Variants in ARPC1A observed in about 807,000 individuals in gnomAD.
The protein encoded by ARPC1A is actin related protein 2/3 complex subunit 1A, also known as actin-related protein 2/3 complex subunit 1A.
In ARPC1A, 8 loss-of-function variants were observed where a neutral mutation model predicts 46.9. That is an observed-to-expected ratio of 0.17 (90% confidence interval 0.10 to 0.31). The LOEUF is 0.31. Among genes scored for constraint, ARPC1A ranks in the 10% least tolerant of loss-of-function variants. ARPC1A has a pLI of 1.00. For synonymous variants in ARPC1A, 152 were observed against 169.0 expected (o/e 0.90, Z 0.78); for missense variants, 286 against 483.6 (o/e 0.59, Z 3.83).
In ARPC1A at chr7:99,363,568, A is replaced by G. The variant is rs767917071; in HGVS notation, c.1009A>G (p.Lys337Glu). Reference sequence around the variant, plus strand: ...TCAAGTCTCTATTTATGAGGTGGACAAGCAAGATTGTCGCAAATTTTGCAC... The same window carrying G: ...TCAAGTCTCTATTTATGAGGTGGACGAGCAAGATTGTCGCAAATTTTGCAC... ...ITQVSIYEVD[K>E]QDCRKFCTTG... Residue 337 changes from lysine (K) to glutamate (E), a missense_variant, in exon 9 of 10, where the codon AAG becomes GAG. This residue lies in a region of ARPC1A where 182 missense variants were observed against 276.7 expected (regional missense o/e 0.66). Transcript: ENST00000262942. The G allele has an allele frequency of 1.9e-6, 3 of 1,613,410 alleles. No individual in the cohort carries two copies. The highest frequency in any genetic ancestry group is 1.7e-6 in the Non-Finnish European group (2 of 1,179,850).
intron 8 of ARPC1A, among the ~76,000 whole-genome samples, chr7:99,361,360 T>C (rs1046927516): frequency 6.6e-6 from 1 of 151,380 alleles, no homozygotes; most frequent in Admixed American, 6.6e-5. Context: ...TTAAGTTAGC[T>C]GGCTGTGTTG....
Position 99,348,954 on chromosome 7 carries a change from A to G in ARPC1A, c.495A>G (p.Lys165=). ...TGGCAGCAGGATCATGTGACTTCAA[A>G]TGCAGGTGGGAACCAGTGAGAACTG... ...VLLAAGSCDF[K]CRVFSAYIKE... is the part of the protein sequence containing the mutation. Residue 165 remains lysine, a synonymous_variant, in exon 5 of 10, where the codon AAA becomes AAG. Transcript: ENST00000262942. 6.2e-7 allele frequency: 1 copy of G among 1,613,306 alleles called. No individual in the cohort carries two copies. The highest frequency in any genetic ancestry group is 8.5e-7 in the Non-Finnish European group (1 of 1,179,306).
At chr7:99,341,206 G>A (rs1269536596) in intron 3 of ARPC1A, among the ~76,000 whole-genome samples, 1 of 152,116 alleles carries the variant, frequency 6.6e-6, no homozygotes, top group Non-Finnish European at 1.5e-5. Flanking sequence ...CTACTCAGGA[G>A]GCTGAGACAT....
chr7:99,355,642 G>A (rs959509664), intron 6 of ARPC1A, among the ~76,000 whole-genome samples: 7 of 151,892 alleles, frequency 4.6e-5, no homozygotes, highest in African/African-American at 1.7e-4. Context: ...TACTCGGGAG[G>A]CTGAGGAAGG....
chr7:99,364,026 C>T (rs985789272), intron 9 of ARPC1A, among the ~76,000 whole-genome samples: 2 of 152,148 alleles, frequency 1.3e-5, no homozygotes, highest in African/African-American at 4.8e-5. Flanking sequence ...GCAATATTGG[C>T]TCACTGCAAC....
intron 2 of ARPC1A, among the ~76,000 whole-genome samples, chr7:99,334,028 CACAT>C (rs778189810): frequency 3.4e-4 from 47 of 136,268 alleles, no homozygotes; most frequent in Non-Finnish European, 6.1e-4. Flanking sequence ...CACACACACA[CACAT>C]ATATATGTAT....
At chr7:99,345,089 C>T (rs1368356466) in intron 4 of ARPC1A, among the ~76,000 whole-genome samples, 1 of 151,614 alleles carries the variant, frequency 6.6e-6, no homozygotes, top group African/African-American at 2.4e-5. Flanking sequence ...CACCTGCCAT[C>T]GTGCCCGGCT....
At chr7:99,340,354 G>C (rs1473268476) in intron 3 of ARPC1A, among the ~76,000 whole-genome samples, 1 of 152,130 alleles carries the variant, frequency 6.6e-6, no homozygotes, top group South Asian at 2.1e-4. Context: ...GTAGATGTGG[G>C]ATTTCACCAC....
intron 5 of ARPC1A, among the ~76,000 whole-genome samples, chr7:99,352,466 G>A (rs1273684900): frequency 6.6e-6 from 1 of 151,712 alleles, no homozygotes; most frequent in African/African-American, 2.4e-5. Context: ...AGACCAGCCT[G>A]GGCAACACAG....
At chr7:99,341,541 G>A (rs1280938866) in intron 3 of ARPC1A, among the ~76,000 whole-genome samples, 7 of 151,470 alleles carry the variant, frequency 4.6e-5, no homozygotes, top group East Asian at 3.9e-4. Context: ...CCTGGGAGGC[G>A]GAGGTTACGG....
intron 8 of ARPC1A, 157 bp downstream of exon 8, chr7:99,359,895 G>A: frequency 1.2e-6 from 1 of 864,986 alleles, no homozygotes; most frequent in Non-Finnish European, 1.8e-6. Flanking sequence ...CCGACCGCCA[G>A]GCTCTCATTT....
intron 7 of ARPC1A, 61 bp downstream of exon 7, chr7:99,358,476 A>G: frequency 6.8e-7 from 1 of 1,460,172 alleles, no homozygotes; most frequent in Non-Finnish European, 9.6e-7. Flanking sequence ...GACAGGGAAC[A>G]ATGTGTGCTC....
At chr7:99,361,323 C>G (rs1038475154) in intron 8 of ARPC1A, among the ~76,000 whole-genome samples, 2 of 152,044 alleles carry the variant, frequency 1.3e-5, no homozygotes, top group African/African-American at 2.4e-5. Flanking sequence ...GGCAACACAG[C>G]AAGACCCCAT....
rs1377968401 is a variant in ARPC1A, at chr7:99,348,835, GT to G, written c.393-13del. On this transcript the variant is annotated splice_polypyrimidine_tract_variant and intron_variant, in intron 4 of 9. Transcript: ENST00000262942. Reference sequence around the variant, plus strand: ...CTGGTTGAGTGGATAAACTGAAACAGTTTTCCCCTCTCATAGGTGGGTGAGC... The same window carrying G: ...CTGGTTGAGTGGATAAACTGAAACAGTTTCCCCTCTCATAGGTGGGTGAGC... The G allele has an allele frequency of 1.2e-6, 2 of 1,607,774 alleles. No individual in the cohort carries two copies. Among genetic ancestry groups the G allele is most frequent in the Admixed American group, 1.7e-5 (1 of 59,718 alleles).
At chr7:99,332,673 G>A (rs921997834) in intron 1 of ARPC1A, among the ~76,000 whole-genome samples, 1 of 150,502 alleles carries the variant, frequency 6.6e-6, no homozygotes, top group East Asian at 1.9e-4. Context: ...GCGCGATGTC[G>A]GCTCACTGCA....
Position 99,339,813 on chromosome 7 carries a change from C to G in ARPC1A, c.169+1528C>G, listed in dbSNP as rs1437609186. On this transcript the variant is annotated intron_variant, in intron 3 of 9. Coordinates refer to ENST00000262942, the MANE Select transcript of ARPC1A (RefSeq NM_006409.4). ...GAATAGGCATCCCTTGATTTCTGTA[C>G]GTATGTGTGAATGTTTGTAGATGGT... 14 of 310,630 alleles carry G rather than the reference C, an allele frequency of 4.5e-5. No individual in the cohort carries two copies. In the Admixed American group the frequency reaches 4.6e-4, roughly 10 times the overall value. 19.2% of individuals were successfully genotyped at this position (310,630 alleles called of 1,614,324 possible). A position where few individuals can be genotyped will look rare whatever the true frequency, so the allele number is the denominator to read the frequency against.
intron 3 of ARPC1A, among the ~76,000 whole-genome samples, chr7:99,341,436 CA>C (rs1446367445): frequency 6.6e-6 from 1 of 151,778 alleles, no homozygotes; most frequent in Non-Finnish European, 1.5e-5. Flanking sequence ...GGAGAAACCC[CA>C]TTTCTACTAA....
chr7:99,347,667 G>A (rs1024246130), intron 4 of ARPC1A, among the ~76,000 whole-genome samples: 2 of 151,966 alleles, frequency 1.3e-5, no homozygotes, highest in Non-Finnish European at 2.9e-5. Flanking sequence ...TTGCGCCACT[G>A]CACTCCAGCC....
At chr7:99,355,518 G>A (rs1330872914) in intron 6 of ARPC1A, among the ~76,000 whole-genome samples, 2 of 152,176 alleles carry the variant, frequency 1.3e-5, no homozygotes, top group Non-Finnish European at 2.9e-5. Flanking sequence ...GCCAAGGTGG[G>A]TGGATCACTT....
Sources: allele counts gnomAD v4.1 joint callset (sites outside exome capture counted in the v4.1 genomes callset), GRCh38; gene constraint gnomAD v4.1.1; regional missense constraint gnomAD v4.1.1; transcripts MANE v1.5; gene names NCBI Gene and HGNC (gene_info 2026-07-23, HGNC 2026-07-21).